Variants in NELL2 observed in about 807,000 individuals in gnomAD.
NELL2 encodes the protein neural EGFL like 2.
Under a neutral mutation model 109.6 loss-of-function variants are expected in NELL2, and 41 were observed. That is an observed-to-expected ratio of 0.37 (90% CI 0.29 to 0.49). NELL2 has a LOEUF of 0.49. Among genes scored for constraint, NELL2 ranks in the 20% least tolerant of loss-of-function variants. The pLI is 0.98. For synonymous variants in NELL2, 355 were observed against 344.7 expected (o/e 1.03, Z -0.33); for missense variants, 900 against 1,008.3 (o/e 0.89, Z 1.45).
At chr12:44,566,993 G>C (rs1943686590) in intron 15 of NELL2, among the ~76,000 whole-genome samples, 1 of 152,040 alleles carries the variant, frequency 6.6e-6, no homozygotes, top group Non-Finnish European at 1.5e-5. Flanking sequence ...TGTATTTTCA[G>C]TAGAGATGGG....
chr12:44,552,753 C>T (rs1400645486), intron 15 of NELL2, among the ~76,000 whole-genome samples: 8 of 151,954 alleles, frequency 5.3e-5, no homozygotes, highest in Admixed American at 3.9e-4. Context: ...GGAAACTATC[C>T]CAAAGCCCCA....
intron 2 of NELL2, among the ~76,000 whole-genome samples, chr12:44,843,224 C>T (rs1944278703): frequency 6.8e-6 from 1 of 147,272 alleles, no homozygotes; most frequent in Non-Finnish European, 1.5e-5. Flanking sequence ...AAAAAAAAAA[C>T]TAATTAGAAA....
intron 9 of NELL2, among the ~76,000 whole-genome samples, chr12:44,754,545 A>C (rs1940798246): frequency 6.6e-6 from 1 of 152,156 alleles, no homozygotes; most frequent in Non-Finnish European, 1.5e-5. Flanking sequence ...CATTAGTTTT[A>C]ACCTAGACCA....
chr12:44,610,241 CAAA>C (rs34987677), intron 14 of NELL2, among the ~76,000 whole-genome samples: 1 of 113,958 alleles, frequency 8.8e-6, no homozygotes. Flanking sequence ...CACAAGAGAG[CAAA>C]AAAAAAAAAA....
intron 13 of NELL2, among the ~76,000 whole-genome samples, chr12:44,644,582 A>ATATATATATATATATATATG (rs1946991526): frequency 7.3e-5 from 5 of 68,422 alleles, no homozygotes; most frequent in Non-Finnish European, 1.3e-4. Flanking sequence ...AAAGTAAAGT[A>ATATATATATATATATATATG]TATATATATA....
At chr12:44,864,383 T>C (rs888291193) in intron 2 of NELL2, among the ~76,000 whole-genome samples, 1 of 152,008 alleles carries the variant, frequency 6.6e-6, no homozygotes, top group Non-Finnish European at 1.5e-5. Context: ...TAAAAAAAAA[T>C]TCCATGGAAA....
chr12:44,670,518 TA>T (rs1341485381), intron 12 of NELL2, among the ~76,000 whole-genome samples: 1 of 150,564 alleles, frequency 6.6e-6, no homozygotes, highest in Non-Finnish European at 1.5e-5. Context: ...TTAAAAGATA[TA>T]AAACAGCTGA....
chr12:44,602,378 A>T (rs554280273), intron 15 of NELL2, among the ~76,000 whole-genome samples: 1 of 152,314 alleles, frequency 6.6e-6, no homozygotes, highest in South Asian at 2.1e-4. Context: ...CAGAAAACTG[A>T]ATTTAATAGG....
intron 15 of NELL2, among the ~76,000 whole-genome samples, chr12:44,571,231 C>T (rs936687498): frequency 1.3e-5 from 2 of 152,236 alleles, no homozygotes; most frequent in East Asian, 1.9e-4. Context: ...ATGGGGCAAT[C>T]GTTAAAGAGT....
intron 9 of NELL2, among the ~76,000 whole-genome samples, chr12:44,719,871 T>C (rs1938677472): frequency 6.6e-6 from 1 of 152,174 alleles, no homozygotes; most frequent in Non-Finnish European, 1.5e-5. Context: ...ACTATAATTA[T>C]GTATATTTGT....
chr12:44,546,159 T>G (rs558237841), intron 15 of NELL2, among the ~76,000 whole-genome samples: 1 of 152,278 alleles, frequency 6.6e-6, no homozygotes, highest in South Asian at 2.1e-4. Context: ...ATTTGCAAGC[T>G]AACTGACAAA....
intron 19 of NELL2, among the ~76,000 whole-genome samples, chr12:44,510,755 G>T (rs1194563592): frequency 2.0e-5 from 3 of 152,168 alleles, no homozygotes; most frequent in Non-Finnish European, 4.4e-5. Context: ...CCTAGAGACA[G>T]AACTGTTCGA....
intron 2 of NELL2, among the ~76,000 whole-genome samples, chr12:44,870,924 A>C (rs1335266100): frequency 1.3e-5 from 2 of 152,174 alleles, no homozygotes; most frequent in Non-Finnish European, 2.9e-5. Flanking sequence ...TCTGCCCACC[A>C]TAATATATAT....
chr12:44,599,677 G>A (rs910942790), intron 15 of NELL2, among the ~76,000 whole-genome samples: 2 of 152,096 alleles, frequency 1.3e-5, no homozygotes, highest in Non-Finnish European at 2.9e-5. Flanking sequence ...AATATTGAGT[G>A]GATTCCAAAA....
chr12:44,761,016 T>C (rs1399782202), intron 9 of NELL2, among the ~76,000 whole-genome samples: 6 of 152,000 alleles, frequency 3.9e-5, no homozygotes, highest in Admixed American at 3.3e-4. Context: ...GTAAGAAAAA[T>C]GCAAATAATT....
intron 9 of NELL2, among the ~76,000 whole-genome samples, chr12:44,729,609 G>A (rs1939262461): frequency 6.8e-6 from 1 of 147,350 alleles, no homozygotes; most frequent in Admixed American, 6.7e-5. Flanking sequence ...GTCTACAAAA[G>A]ACTTACCTAA....
intron 12 of NELL2, among the ~76,000 whole-genome samples, chr12:44,673,155 C>A (rs1156694166): frequency 6.6e-6 from 1 of 152,074 alleles, no homozygotes; most frequent in African/African-American, 2.4e-5. Flanking sequence ...GCCCTGTCTG[C>A]AGAGGAAGAA....
intron 15 of NELL2, among the ~76,000 whole-genome samples, chr12:44,537,837 T>C (rs1392424279): frequency 2.0e-5 from 3 of 152,144 alleles, no homozygotes; most frequent in East Asian, 1.9e-4. Flanking sequence ...AAGATTTGGG[T>C]ATAAAATATT....
Position 44,846,345 on chromosome 12 carries a change from G to A in NELL2, c.184+28880C>T, listed in dbSNP as rs752589365. On this transcript the variant is annotated intron_variant, in intron 2 of 19. Coordinates refer to ENST00000429094, the MANE Select transcript of NELL2 (RefSeq NM_001145108.2). ...CAGTCTATGGTGTCAGCATCAACAC[G>A]GATGCTCTGTTTTTATGAAGATTCT... Among the ~76,000 whole-genome samples, 18 of 152,158 alleles carry A rather than the reference G, an allele frequency of 1.2e-4. No homozygotes were observed. The South Asian group carries it at 1.2e-3, about 11-fold the overall frequency.
Sources: gnomAD v4.1 joint callset for allele counts (sites outside exome capture counted in the v4.1 genomes callset) on GRCh38, gnomAD v4.1.1 for gene constraint, MANE v1.5 for transcripts, NCBI Gene and HGNC (gene_info 2026-07-23, HGNC 2026-07-21) for gene names.